ARHGAP26: variants seen among roughly 807,000 people sequenced by gnomAD.
ARHGAP26 encodes the protein Rho GTPase activating protein 26, also known as rho GTPase-activating protein 26.
Under a neutral mutation model 104.8 loss-of-function variants are expected in ARHGAP26, and 38 were observed. The ratio of observed to expected loss-of-function variants is 0.36; its 90% CI spans 0.28 to 0.48. The LOEUF (loss-of-function observed/expected upper bound fraction) is 0.48. ARHGAP26 is among the 20% of genes least tolerant of loss of function. ARHGAP26 has a pLI of 0.99. For synonymous variants in ARHGAP26, 341 were observed against 340.0 expected (o/e 1.00, Z -0.03); for missense variants, 704 against 947.9 (o/e 0.74, Z 3.38).
At chr5:143,047,830 TTTATTA>T (rs1193186683) in intron 14 of ARHGAP26, among the ~76,000 whole-genome samples, 6 of 152,010 alleles carry the variant, frequency 3.9e-5, no homozygotes, top group African/African-American at 7.2e-5. Flanking sequence ...TTGTTTTATT[TTTATTA>T]TTATTATTAT....
intron 11 of ARHGAP26, among the ~76,000 whole-genome samples, chr5:142,990,686 G>A (rs1775459746): frequency 6.6e-6 from 1 of 152,184 alleles, no homozygotes; most frequent in Admixed American, 6.5e-5. Flanking sequence ...CTAACAGTTA[G>A]GACTCTCAGC....
In ARHGAP26 at chr5:143,131,475, T is replaced by C. The variant is rs115253654; in HGVS notation, c.1699-2492T>C. On this transcript the variant is annotated intron_variant, in intron 18 of 22. Coordinates refer to ENST00000645722, the MANE Select transcript of ARHGAP26 (RefSeq NM_001135608.3). ...AAATAATGAGAACCAGGCCTATCGC[T>C]AACTCTGAATTCATTTTCAAATGCT... 2.5e-3 allele frequency among the ~76,000 whole-genome samples: 384 copies of C among 152,334 alleles called. 5 individuals are homozygous for C. The highest frequency in any genetic ancestry group is 8.2e-3 in the African/African-American group (341 of 41,578).
chr5:143,182,303 A>G (rs1562566574), intron 20 of ARHGAP26, among the ~76,000 whole-genome samples: 1 of 152,216 alleles, frequency 6.6e-6, no homozygotes, highest in Non-Finnish European at 1.5e-5. Flanking sequence ...TGCAAAACTC[A>G]TCCACAGTTC....
intron 17 of ARHGAP26, among the ~76,000 whole-genome samples, 177 bp from the exon 18 acceptor site, chr5:143,120,811 T>A (rs1796042220): frequency 6.6e-6 from 1 of 152,216 alleles, no homozygotes; most frequent in Non-Finnish European, 1.5e-5. Flanking sequence ...GCCTGGATGC[T>A]GAAGATTTCT....
intron 11 of ARHGAP26, among the ~76,000 whole-genome samples, chr5:143,012,544 C>CATACATATATAT: frequency 2.3e-5 from 1 of 43,080 alleles, no homozygotes; most frequent in Admixed American, 3.2e-4. Flanking sequence ...TATTTATATA[C>CATACATATATAT]ATACATACAT....
chr5:143,186,440 A>G (rs1805149537), intron 20 of ARHGAP26, among the ~76,000 whole-genome samples: 1 of 152,188 alleles, frequency 6.6e-6, no homozygotes, highest in Non-Finnish European at 1.5e-5. Flanking sequence ...CACCATCAGT[A>G]TGAGTGTGGA....
chr5:142,904,472 T>G (rs1323588880), intron 8 of ARHGAP26, among the ~76,000 whole-genome samples: 1 of 151,198 alleles, frequency 6.6e-6, no homozygotes, highest in African/African-American at 2.4e-5. Flanking sequence ...GAGCTGAGAT[T>G]GCCACCACTG....
chr5:143,123,153 C>T (rs1796331324), intron 18 of ARHGAP26, among the ~76,000 whole-genome samples: 1 of 152,208 alleles, frequency 6.6e-6, no homozygotes, highest in African/African-American at 2.4e-5. Context: ...GCCCCCTCCA[C>T]CTCTGAATAG....
chr5:143,207,051 T>C, intron 20 of ARHGAP26, 147 bp from the exon 21 acceptor site: 1 of 877,088 alleles, frequency 1.1e-6, no homozygotes, highest in Non-Finnish European at 1.8e-6. Context: ...TCTGGAGGAA[T>C]GTGACATGGC....
At chr5:143,073,405 A>G (rs922915220) in intron 17 of ARHGAP26, among the ~76,000 whole-genome samples, 2 of 152,222 alleles carry the variant, frequency 1.3e-5, no homozygotes, top group African/African-American at 4.8e-5. Flanking sequence ...AAGCTGGCTC[A>G]GACTGAGCCA....
rs568663055 is a variant in ARHGAP26 at position 142,983,742 on chromosome 5, CAG to C, written c.1108-30337_1108-30336del. Among the ~76,000 whole-genome samples, 1,033 of 152,078 alleles carry C rather than the reference CAG, an allele frequency of 6.8e-3. 6 individuals are homozygous for C. The highest frequency in any genetic ancestry group is 8.6e-3 in the Admixed American group (132 of 15,292). On this transcript the variant is annotated intron_variant, in intron 11 of 22. Transcript: ENST00000645722. ...AATGAATATCACTCATCTTAGAAAACAGTGGTTAATTTATGATATTTGTGTTT... is the reference window on the plus strand; with the variant it reads ...AATGAATATCACTCATCTTAGAAAACTGGTTAATTTATGATATTTGTGTTT...
intron 11 of ARHGAP26, among the ~76,000 whole-genome samples, chr5:142,940,791 AT>A (rs1766161235): frequency 6.6e-6 from 1 of 152,118 alleles, no homozygotes; most frequent in African/African-American, 2.4e-5. Flanking sequence ...TGGTTAAAGA[AT>A]TTGGCCAGGT....
chr5:143,100,502 G>C (rs74356283), intron 17 of ARHGAP26, among the ~76,000 whole-genome samples: 1 of 152,194 alleles, frequency 6.6e-6, no homozygotes, highest in Admixed American at 6.5e-5. Flanking sequence ...CCAACATCCC[G>C]TAGATGTGGG....
At chr5:143,161,580 A>T (rs258792) in intron 20 of ARHGAP26, among the ~76,000 whole-genome samples, 34,407 of 152,136 alleles carry the variant, frequency 0.23, 4,507 homozygotes, top group East Asian at 0.4. Context: ...TTATGGAGAT[A>T]TACTAGAGTT....
intron 20 of ARHGAP26, among the ~76,000 whole-genome samples, chr5:143,154,759 G>A (rs1162941598): frequency 6.6e-6 from 1 of 152,134 alleles, no homozygotes. Context: ...AATCCCACAG[G>A]GTACCTGATA....
intron 19 of ARHGAP26, 103 bp downstream of exon 19, chr5:143,134,208 C>T: frequency 7.3e-7 from 1 of 1,362,204 alleles, no homozygotes; most frequent in Non-Finnish European, 9.8e-7. Context: ...GTGCTACTGG[C>T]TTTTTGTGTC....
At chr5:142,988,264 T>C (rs1775065129) in intron 11 of ARHGAP26, among the ~76,000 whole-genome samples, 1 of 152,232 alleles carries the variant, frequency 6.6e-6, no homozygotes, top group Admixed American at 6.5e-5. Flanking sequence ...CTAGATTTTC[T>C]AGTTTATTTG....
intron 1 of ARHGAP26, among the ~76,000 whole-genome samples, chr5:142,783,202 C>G (rs1757869612): frequency 6.6e-6 from 1 of 152,232 alleles, no homozygotes; most frequent in Admixed American, 6.5e-5. Context: ...TACTGCAGGC[C>G]TAGGAATGAT....
chr5:142,944,297 G>T (rs1766796775), intron 11 of ARHGAP26, among the ~76,000 whole-genome samples: 1 of 152,162 alleles, frequency 6.6e-6, no homozygotes, highest in Non-Finnish European at 1.5e-5. Context: ...TTACATTTAG[G>T]TTGTTTTCAG....
Sources: gnomAD v4.1 joint callset for allele counts (sites outside exome capture counted in the v4.1 genomes callset) on GRCh38, gnomAD v4.1.1 for gene constraint, MANE v1.5 for transcripts, NCBI Gene and HGNC (gene_info 2026-07-23, HGNC 2026-07-21) for gene names.